The following NCKAP5 variants were observed in gnomAD, a reference collection of about 807,000 sequenced individuals.
NCKAP5 encodes the protein NCK associated protein 5.
Under a neutral mutation model 167.0 loss-of-function variants are expected in NCKAP5, and 92 were observed. The ratio of observed to expected loss-of-function variants is 0.55; its 90% confidence interval spans 0.47 to 0.66. The LOEUF is 0.66. NCKAP5 is among the 30% of genes least tolerant of loss of function. The pLI is 0.00. For synonymous variants in NCKAP5, 891 were observed against 877.4 expected, an observed-to-expected ratio of 1.02 and a Z score of -0.27; for missense variants, 2,378 against 2,315.0, an observed-to-expected ratio of 1.03 and a Z score of -0.56.
chr2:133,522,703 T>G (rs1300719678), intron 2 of NCKAP5, among the ~76,000 whole-genome samples: 1 of 151,856 alleles, frequency 6.6e-6, no homozygotes, highest in Non-Finnish European at 1.5e-5. Context: ...TAGACACATT[T>G]ACAAGAGTGA....
Position 132,780,919 on chromosome 2 carries a change from C to T in NCKAP5, c.5049+133G>A. On this transcript the variant is annotated intron_variant, in intron 15 of 19. Transcript: ENST00000409261. ...AGGATTTCGCTCTCTTTTTACAAAT[C>T]CTTTTTCACTGACCTTTTCTTTCCC... is the stretch of plus-strand genomic sequence containing the variant. 2.5e-5 allele frequency: 24 copies of T among 965,286 alleles called. No homozygotes were observed. In the South Asian group the frequency reaches 3.9e-4, roughly 15 times the overall value. The allele number at this position is 965,286 out of a possible 1,614,324, so 59.8% of individuals were successfully genotyped here. A position where few individuals can be genotyped will look rare whatever the true frequency, so the allele number is the denominator to read the frequency against.
At chr2:132,704,595 T>C (rs1242530146) in intron 19 of NCKAP5, among the ~76,000 whole-genome samples, 1 of 152,232 alleles carries the variant, frequency 6.6e-6, no homozygotes, top group African/African-American at 2.4e-5. Context: ...TTCTCTCTAA[T>C]ACTTAAACTC....
At chr2:133,472,454 T>G (rs1221384141) in intron 3 of NCKAP5, among the ~76,000 whole-genome samples, 3 of 152,112 alleles carry the variant, frequency 2.0e-5, no homozygotes, top group Non-Finnish European at 4.4e-5. Context: ...TTTGATTATT[T>G]TGTAAGGTTT....
At chr2:133,152,062 T>C (rs2083402462) in intron 5 of NCKAP5, among the ~76,000 whole-genome samples, 2 of 152,174 alleles carry the variant, frequency 1.3e-5, no homozygotes, top group African/African-American at 4.8e-5. Flanking sequence ...AGAATATTTC[T>C]CCCCAAAATA....
At position 133,093,048 on chromosome 2, in the gene NCKAP5, A is replaced by G. The variant is rs552188563; in HGVS notation, c.341+36930T>C. 5.3e-4 allele frequency among the ~76,000 whole-genome samples: 81 copies of G among 152,328 alleles called. 1 individual carries two copies. The highest frequency in any genetic ancestry group is 1.6e-3 in the African/African-American group (66 of 41,578). On this transcript the variant is annotated intron_variant, in intron 6 of 19. Coordinates refer to ENST00000409261, the MANE Select transcript of NCKAP5 (RefSeq NM_207363.3). Reference sequence around the variant, plus strand: ...CTTACCTTCCTCATCTGTAAAATGGAAATAATAATAATCCCTTCCTTGTAG... The same window carrying G: ...CTTACCTTCCTCATCTGTAAAATGGGAATAATAATAATCCCTTCCTTGTAG...
chr2:133,268,143 C>T (rs1191582496), intron 4 of NCKAP5, among the ~76,000 whole-genome samples: 1 of 152,192 alleles, frequency 6.6e-6, no homozygotes, highest in East Asian at 1.9e-4. Flanking sequence ...ATATAATTTA[C>T]TGTGAAAACT....
At chr2:133,254,711 A>G (rs971284736) in intron 4 of NCKAP5, among the ~76,000 whole-genome samples, 2 of 152,146 alleles carry the variant, frequency 1.3e-5, no homozygotes, top group Non-Finnish European at 2.9e-5. Context: ...GTTTGGGTGA[A>G]GTTACGTAAG....
chr2:133,181,220 A>G (rs1011825859), intron 5 of NCKAP5, among the ~76,000 whole-genome samples: 20 of 152,120 alleles, frequency 1.3e-4, no homozygotes, highest in African/African-American at 4.8e-4. Context: ...AGGGACAAAG[A>G]TTTCTGTACT....
chr2:133,482,779 T>C (rs747866429), intron 3 of NCKAP5, among the ~76,000 whole-genome samples: 3 of 152,176 alleles, frequency 2.0e-5, no homozygotes, highest in Non-Finnish European at 4.4e-5. Context: ...TAGAGTTCCC[T>C]TTTCTCTGAA....
chr2:133,078,784 T>C (rs1300014681), intron 6 of NCKAP5, among the ~76,000 whole-genome samples: 3 of 152,108 alleles, frequency 2.0e-5, no homozygotes, highest in African/African-American at 7.2e-5. Context: ...AATTTTGGCC[T>C]ATGAAGCACT....
At chr2:133,228,447 A>T (rs1351331243) in intron 4 of NCKAP5, among the ~76,000 whole-genome samples, 4 of 152,162 alleles carry the variant, frequency 2.6e-5, no homozygotes, top group Admixed American at 6.5e-5. Flanking sequence ...TGTTTTCTTC[A>T]TACTATCTTG....
At chr2:133,615,674 A>G in the NCKAP5 span, among the ~76,000 whole-genome samples, 2 of 152,162 alleles carry the variant, frequency 1.3e-5, no homozygotes, top group African/African-American at 4.8e-5. Context: ...ACCTACAAAG[A>G]GACTTAGACC....
intron 8 of NCKAP5, among the ~76,000 whole-genome samples, chr2:132,946,473 G>A (rs369169394): frequency 2.7e-4 from 41 of 152,190 alleles, no homozygotes; most frequent in Admixed American, 1.4e-3. Flanking sequence ...TTCTAATAGC[G>A]TTGACTATAC....
chr2:133,551,042 G>A (rs1372359108), intron 2 of NCKAP5, among the ~76,000 whole-genome samples: 1 of 151,634 alleles, frequency 6.6e-6, no homozygotes, highest in Admixed American at 6.6e-5. Flanking sequence ...TACAAGGGAT[G>A]TGAAGGACCT....
chr2:132,953,946 G>A (rs1007979988), intron 8 of NCKAP5, among the ~76,000 whole-genome samples: 4 of 152,116 alleles, frequency 2.6e-5, no homozygotes, highest in East Asian at 3.9e-4. Flanking sequence ...GCCTTTTCAC[G>A]GTGCTGCTGA....
In NCKAP5 at chr2:133,056,014, C is replaced by T. The variant is rs1040827446; in HGVS notation, c.342-61775G>A. ...AGAGAGGGAGAGGCACACACTTATC[C>T]CTGTGCCAATGTTTCCATCTGTCCC... On this transcript the variant is annotated intron_variant, in intron 6 of 19. Transcript: ENST00000409261. Among the ~76,000 whole-genome samples, 9 of 152,108 alleles carry T rather than the reference C, an allele frequency of 5.9e-5. No homozygotes were observed. In the South Asian group the frequency reaches 1.9e-3, roughly 31 times the overall value.
chr2:133,329,911 G>A lies in NCKAP5; in HGVS notation c.70-26801C>T, dbSNP rs1283182346. 3.3e-5 allele frequency among the ~76,000 whole-genome samples: 5 copies of A among 152,000 alleles called. No individual in the cohort carries two copies. In the East Asian group the frequency reaches 9.6e-4, roughly 29 times the overall value. On this transcript the variant is annotated intron_variant, in intron 3 of 19. Coordinates refer to ENST00000409261, the MANE Select transcript of NCKAP5 (RefSeq NM_207363.3). ...TTCTTCTGGTTTGTGAGGAATCTGAGTTTTTTAAAGGCTCTCCAGATATAC... is the reference window on the plus strand; with the variant it reads ...TTCTTCTGGTTTGTGAGGAATCTGAATTTTTTAAAGGCTCTCCAGATATAC...
chr2:133,563,573 A>AAG, intron 1 of NCKAP5, among the ~76,000 whole-genome samples: 1 of 141,530 alleles, frequency 7.1e-6, no homozygotes, highest in Non-Finnish European at 1.5e-5. Flanking sequence ...ATAAAAAAAA[A>AAG]AAAAAAAAAA....
intron 5 of NCKAP5, among the ~76,000 whole-genome samples, chr2:133,204,206 T>C (rs2085840189): frequency 6.6e-6 from 1 of 152,228 alleles, no homozygotes; most frequent in Admixed American, 6.5e-5. Context: ...TTATTTTTAA[T>C]TTCAGCATTT....
Sources: gnomAD v4.1 joint callset for allele counts (sites outside exome capture counted in the v4.1 genomes callset) on GRCh38, gnomAD v4.1.1 for gene constraint, MANE v1.5 for transcripts, NCBI Gene and HGNC (gene_info 2026-07-23, HGNC 2026-07-21) for gene names.